The following IPO11 variants were observed in gnomAD, a reference collection of about 807,000 sequenced individuals.
IPO11 encodes importin 11, also known as importin-11.
IPO11 carries 66 observed loss-of-function variants against 143.2 expected under a neutral mutation model. That is an observed-to-expected ratio of 0.46 (90% CI 0.38 to 0.57). IPO11 has a LOEUF of 0.57. IPO11 is among the 20% of genes least tolerant of loss of function. The probability of loss-of-function intolerance (pLI) is 0.00; values close to 1 mark genes in which losing one functional copy is unlikely to be tolerated. For missense variants in IPO11, 1,026 were observed against 1,141.0 expected (o/e 0.90, Z 1.45); for synonymous variants, 385 against 377.8 (o/e 1.02, Z -0.22).
At position 62,628,175 on chromosome 5, in the gene IPO11, G is replaced by T. The variant is rs1054074784; in HGVS notation, c.*857G>T. On this transcript the variant is annotated 3_prime_UTR_variant, in exon 30 of 30. Transcript: ENST00000325324. ...ACTGTTTAGTACTTACCCTTCTCAG[G>T]TTCCTCAGTGCAGGGGTGCATCAGG... 6.6e-6 allele frequency: 1 copy of T among 152,184 alleles called. No individual in the cohort carries two copies. The highest frequency in any genetic ancestry group is 2.4e-5 in the African/African-American group (1 of 41,302). 9.4% of individuals were successfully genotyped at this position (152,184 alleles called of 1,614,324 possible).
At chr5:62,478,642 C>T (rs891622098) in intron 9 of IPO11, among the ~76,000 whole-genome samples, 1 of 152,150 alleles carries the variant, frequency 6.6e-6, no homozygotes, top group African/African-American at 2.4e-5. Context: ...TCCATCTGTT[C>T]CAAAGTTATT....
intron 9 of IPO11, among the ~76,000 whole-genome samples, chr5:62,478,065 T>C (rs1352725433): frequency 6.6e-6 from 1 of 152,132 alleles, no homozygotes; most frequent in Non-Finnish European, 1.5e-5. Context: ...TGCTTTCCCC[T>C]CCCACCCTTG....
chr5:62,549,244 G>A (rs182601210), intron 24 of IPO11, among the ~76,000 whole-genome samples: 85 of 152,254 alleles, frequency 5.6e-4, no homozygotes, highest in African/African-American at 1.9e-3. Flanking sequence ...ACACAGTATA[G>A]TGTTTATATT....
intron 29 of IPO11, among the ~76,000 whole-genome samples, chr5:62,607,493 T>C (rs1745767620): frequency 6.6e-6 from 1 of 152,174 alleles, no homozygotes; most frequent in Non-Finnish European, 1.5e-5. Context: ...TAGAATTGTA[T>C]TGGTACTGAT....
At chr5:62,541,662 T>C (rs1388041199) in intron 24 of IPO11, among the ~76,000 whole-genome samples, 1 of 151,610 alleles carries the variant, frequency 6.6e-6, no homozygotes, top group Non-Finnish European at 1.5e-5. Context: ...GCCTAGACAA[T>C]AGAGTGAGAC....
intron 24 of IPO11, among the ~76,000 whole-genome samples, chr5:62,540,170 C>T (rs1314199703): frequency 6.6e-6 from 1 of 152,066 alleles, no homozygotes; most frequent in African/African-American, 2.4e-5. Context: ...GATGTGATCT[C>T]GACTATACTG....
chr5:62,452,745 T>C (rs1744985189), intron 5 of IPO11, among the ~76,000 whole-genome samples: 1 of 148,130 alleles, frequency 6.8e-6, no homozygotes, highest in Non-Finnish European at 1.5e-5. Flanking sequence ...TGTGTGTGTG[T>C]GTGTGTGTGT....
intron 19 of IPO11, among the ~76,000 whole-genome samples, chr5:62,514,596 A>AC (rs1554052844): frequency 8.5e-6 from 1 of 117,390 alleles, no homozygotes; most frequent in African/African-American, 3.6e-5. Context: ...GGAGAGGGAG[A>AC]GGGAGACGGG....
At chr5:62,461,254 G>A (rs1016416831) in intron 5 of IPO11, among the ~76,000 whole-genome samples, 1 of 152,026 alleles carries the variant, frequency 6.6e-6, no homozygotes. Flanking sequence ...GGGGTTGAGA[G>A]GATGGAAAAT....
At chr5:62,573,886 T>C (rs982288721) in intron 27 of IPO11, among the ~76,000 whole-genome samples, 1 of 152,188 alleles carries the variant, frequency 6.6e-6, no homozygotes, top group Admixed American at 6.5e-5. Flanking sequence ...TGGCTTAACA[T>C]TGAGAGTTCC....
At chr5:62,566,737 CAAA>C (rs753040992) in intron 27 of IPO11, among the ~76,000 whole-genome samples, 3 of 64,784 alleles carry the variant, frequency 4.6e-5, no homozygotes. Context: ...GACTCTGTCT[CAAA>C]AAAAAAAAAA....
intron 19 of IPO11, among the ~76,000 whole-genome samples, chr5:62,511,150 T>G (rs1476965733): frequency 1.3e-5 from 2 of 152,250 alleles, no homozygotes; most frequent in Admixed American, 1.3e-4. Context: ...TAAATGTAAC[T>G]GGGTACTTTG....
intron 1 of IPO11, among the ~76,000 whole-genome samples, chr5:62,435,129 T>TG (rs1744147558): frequency 3.3e-5 from 3 of 91,216 alleles, no homozygotes; most frequent in Non-Finnish European, 6.1e-5. Context: ...TATATATGTA[T>TG]ATATATGTAT....
rs891944234 is a variant in IPO11, at chr5:62,587,128, G to A, written c.2583-4449G>A. Among the ~76,000 whole-genome samples the A allele has an allele frequency of 2.6e-5, 4 of 151,966 alleles. No homozygotes were observed. In the East Asian group the frequency reaches 7.7e-4, roughly 29 times the overall value. On this transcript the variant is annotated intron_variant, in intron 27 of 29. Coordinates refer to ENST00000325324, the MANE Select transcript of IPO11 (RefSeq NM_016338.5). ...ATGCCATGACATATAGATCCTTTTA[G>A]TTATTCCTTGTAGTCTTGAAGATAA...
intron 19 of IPO11, among the ~76,000 whole-genome samples, chr5:62,510,279 C>T (rs1187479171): frequency 6.6e-6 from 1 of 152,030 alleles, no homozygotes; most frequent in African/African-American, 2.4e-5. Flanking sequence ...TTTCTTTCAC[C>T]TCTTTTCATT....
At chr5:62,555,794 C>T (rs529382874) in intron 26 of IPO11, among the ~76,000 whole-genome samples, 33 of 151,962 alleles carry the variant, frequency 2.2e-4, no homozygotes, top group African/African-American at 7.5e-4. Flanking sequence ...TGAGCTACTG[C>T]GCCTGGCCCC....
intron 1 of IPO11, among the ~76,000 whole-genome samples, chr5:62,427,006 C>T (rs1439070004): frequency 7.2e-6 from 1 of 138,352 alleles, no homozygotes; most frequent in African/African-American, 2.7e-5. Context: ...GGCGCGATCT[C>T]GGCTCCCTGC....
In IPO11 at chr5:62,515,588, A is replaced by G. The variant is rs554779227; in HGVS notation, c.1896+87A>G. 3.3e-5 allele frequency: 25 copies of G among 746,396 alleles called. No homozygotes were observed. In the South Asian group the frequency reaches 6.4e-4, roughly 19 times the overall value. 46.2% of individuals were successfully genotyped at this position (746,396 alleles called of 1,614,324 possible). On this transcript the variant is annotated intron_variant, in intron 20 of 29. Coordinates refer to ENST00000325324, the MANE Select transcript of IPO11 (RefSeq NM_016338.5). ...TTTAAAAATTGTTTTTATGTGATTTATGTTAATGGTAGTGAAAAACTTCAC... is the reference window on the plus strand; with the variant it reads ...TTTAAAAATTGTTTTTATGTGATTTGTGTTAATGGTAGTGAAAAACTTCAC...
chr5:62,533,634 G>A (rs895064079), intron 22 of IPO11, among the ~76,000 whole-genome samples: 21 of 152,242 alleles, frequency 1.4e-4, no homozygotes, highest in Non-Finnish European at 2.9e-4. Flanking sequence ...TTAGAACAGT[G>A]CTTTTAAGCT....
Sources: allele counts gnomAD v4.1 joint callset (sites outside exome capture counted in the v4.1 genomes callset), GRCh38; gene constraint gnomAD v4.1.1; transcripts MANE v1.5; gene names NCBI Gene and HGNC (gene_info 2026-07-23, HGNC 2026-07-21).